Variants in EID1 observed in about 807,000 individuals in gnomAD.
The protein encoded by EID1 is EP300-interacting inhibitor of differentiation 1.
A neutral mutation model predicts 13.7 loss-of-function variants in EID1; 3 were observed. The observed-to-expected ratio is 0.22, with a 90% CI of 0.10 to 0.57. The LOEUF (loss-of-function observed/expected upper bound fraction) is 0.57. Among genes scored for constraint, EID1 ranks in the 20% least tolerant of loss-of-function variants. The pLI, the probability that EID1 is intolerant of heterozygous loss-of-function variation, is 0.92. For missense variants in EID1, 261 were observed against 247.6 expected (o/e 1.05, Z -0.36); for synonymous variants, 105 against 97.6 (o/e 1.08, Z -0.44).
In EID1 at chr15:48,878,958, C is replaced by A. The variant is rs969949788; in HGVS notation, c.*218C>A. The A allele has an allele frequency of 3.4e-5, 16 of 473,890 alleles. No individual in the cohort carries two copies. The highest frequency in any genetic ancestry group is 3.9e-6 in the Non-Finnish European group (1 of 259,122). The allele number at this position is 473,890 out of a possible 1,614,324, so 29.4% of individuals were successfully genotyped here. Reference sequence around the variant, plus strand: ...AAAAAGATTTTAAGACCGTTGAAATCAATTATCAAGAACGTCCTAAAACAC... The same window carrying A: ...AAAAAGATTTTAAGACCGTTGAAATAAATTATCAAGAACGTCCTAAAACAC... On this transcript the variant is annotated 3_prime_UTR_variant, in exon 1 of 1. Coordinates refer to ENST00000530028, the MANE Select transcript of EID1 (RefSeq NM_014335.3).
Position 48,878,215 on chromosome 15 carries a change from G to C in EID1, c.39G>C (p.Glu13Asp), listed in dbSNP as rs1045554707. 4 of 1,598,072 alleles carry C rather than the reference G, an allele frequency of 2.5e-6. No individual in the cohort carries two copies. Among genetic ancestry groups the C allele is most frequent in the African/African-American group, 1.3e-5 (1 of 74,768 alleles). The change falls in exon 1 of 1, where the codon GAG becomes GAC. Residue 13 changes from glutamate (E) to aspartate (D), a missense_variant. Around this residue, in one of 2 missense-constraint regions of EID1, gnomAD observed 244 missense variants for 210.8 expected, o/e 1.16. Transcript: ENST00000530028. The part of the protein sequence containing the change: ...EMAELSELYE[E>D]SSDLQMDVMP... ...CTGAGTTGTCCGAGCTGTATGAAGA[G>C]AGCAGTGACCTGCAGATGGATGTGA...
At position 48,878,205 on chromosome 15, in the gene EID1, T is replaced by A. The variant is rs748317757; in HGVS notation, c.29T>A (p.Leu10Gln). MSEMAELSE[L>Q]YEESSDLQMD... is the part of the protein sequence containing the mutation. ...TCGGAAATGGCTGAGTTGTCCGAGCTGTATGAAGAGAGCAGTGACCTGCAG... is the reference window on the plus strand; with the variant it reads ...TCGGAAATGGCTGAGTTGTCCGAGCAGTATGAAGAGAGCAGTGACCTGCAG... Residue 10 changes from leucine (L) to glutamine (Q), a missense_variant, in exon 1 of 1, where the codon CTG becomes CAG. Physicochemically the swap from Leu to Gln is moderately radical, Grantham distance 113. Coordinates refer to ENST00000530028, the MANE Select transcript of EID1 (RefSeq NM_014335.3). 14 of 1,576,768 alleles carry A rather than the reference T, an allele frequency of 8.9e-6. No homozygotes were observed. Among genetic ancestry groups the A allele is most frequent in the Non-Finnish European group, 1.2e-5 (14 of 1,157,966 alleles).
chr15:48,880,169 T>C lies in EID1; in HGVS notation c.*1429T>C, dbSNP rs987406356. On this transcript the variant is annotated 3_prime_UTR_variant, in exon 1 of 1. Coordinates refer to ENST00000530028, the MANE Select transcript of EID1 (RefSeq NM_014335.3). ...ATAGCAGTAAAGAACGAATATCCAA[T>C]GCAACAGGACAATTCAGAGCCTTAT... 6 of 167,064 alleles carry C rather than the reference T, an allele frequency of 3.6e-5. No homozygotes were observed. Among genetic ancestry groups the C allele is most frequent in the African/African-American group, 1.4e-4 (6 of 41,460 alleles). The allele number at this position is 167,064 out of a possible 1,614,324, so 10.3% of individuals were successfully genotyped here. A position where few individuals can be genotyped will look rare whatever the true frequency, so the allele number is the denominator to read the frequency against.
At position 48,878,373 on chromosome 15, in the gene EID1, T is replaced by G; in HGVS notation, c.197T>G (p.Met66Arg). 2 of 1,612,980 alleles carry G rather than the reference T, an allele frequency of 1.2e-6. No homozygotes were observed. The highest frequency in any genetic ancestry group is 1.1e-5 in the South Asian group (1 of 91,024). Residue 66 changes from methionine to arginine, a missense_variant, in exon 1 of 1, where the codon ATG becomes AGG. By Grantham distance (91) the Met-to-Arg change is moderately conservative. This residue lies in a region of EID1 where 244 missense variants were observed against 210.8 expected (regional missense o/e 1.16). Coordinates refer to ENST00000530028, the MANE Select transcript of EID1 (RefSeq NM_014335.3). ...GPMEEEEAQPMAAPEGKRSLA... is the reference protein window; with the variant it reads ...GPMEEEEAQPRAAPEGKRSLA... ...ATGGAGGAGGAGGAGGCCCAGCCAA[T>G]GGCGGCGCCAGAGGGGAAACGGAGC... is the stretch of plus-strand genomic sequence containing the variant.
Position 48,878,449 on chromosome 15 carries a change from A to G in EID1, c.273A>G (p.Ala91=), listed in dbSNP as rs1484844889. 6.2e-7 allele frequency: 1 copy of G among 1,613,306 alleles called. No homozygotes were observed. Among genetic ancestry groups the G allele is most frequent in the East Asian group, 2.2e-5 (1 of 44,864 alleles). ...AGEQPGQVAG[A]DFESEDEGEE... is the part of the protein sequence containing the mutation. ...AGCAGCCAGGCCAGGTGGCGGGCGCAGACTTCGAGAGCGAGGACGAGGGCG... is the reference window on the plus strand; with the variant it reads ...AGCAGCCAGGCCAGGTGGCGGGCGCGGACTTCGAGAGCGAGGACGAGGGCG... Residue 91 remains alanine, a synonymous_variant, in exon 1 of 1, where the codon GCA becomes GCG. Coordinates refer to ENST00000530028, the MANE Select transcript of EID1 (RefSeq NM_014335.3).
chr15:48,878,446 C>T lies in EID1; in HGVS notation c.270C>T (p.Gly90=), dbSNP rs1268852780. The T allele has an allele frequency of 5.0e-6, 8 of 1,612,858 alleles. No homozygotes were observed. The highest frequency in any genetic ancestry group is 6.8e-6 in the Non-Finnish European group (8 of 1,179,450). ...GGGAGCAGCCAGGCCAGGTGGCGGG[C>T]GCAGACTTCGAGAGCGAGGACGAGG... is the stretch of plus-strand genomic sequence containing the variant. ...NAGEQPGQVA[G]ADFESEDEGE... is the part of the protein sequence containing the mutation. Residue 90 remains glycine, a synonymous_variant, in exon 1 of 1, where the codon GGC becomes GGT. Transcript: ENST00000530028.
rs1899898330 is a variant in EID1, at chr15:48,879,540, ATTTTG to A, written c.*806_*810del. ...GCTTATGCTGTTATATACTAGAGAAATTTTGTTTTGCTTGCTGTTTTAACTTGACA... is the reference window on the plus strand; with the variant it reads ...GCTTATGCTGTTATATACTAGAGAAATTTTGCTTGCTGTTTTAACTTGACA... On this transcript the variant is annotated 3_prime_UTR_variant, in exon 1 of 1. Transcript: ENST00000530028. 1 of 167,092 alleles carries A rather than the reference ATTTTG, an allele frequency of 6.0e-6. No homozygotes were observed. The highest frequency in any genetic ancestry group is 6.5e-5 in the Admixed American group (1 of 15,290). The allele number at this position is 167,092 out of a possible 1,614,324, so 10.4% of individuals were successfully genotyped here.
Position 48,878,819 on chromosome 15 carries a change from G to A in EID1, c.*79G>A. 1 of 1,388,594 alleles carries A rather than the reference G, an allele frequency of 7.2e-7. No individual in the cohort carries two copies. Among genetic ancestry groups the A allele is most frequent in the South Asian group, 1.4e-5 (1 of 68,976 alleles). The allele number at this position is 1,388,594 out of a possible 1,614,324, so 86.0% of individuals were successfully genotyped here. A position where few individuals can be genotyped will look rare whatever the true frequency, so the allele number is the denominator to read the frequency against. On this transcript the variant is annotated 3_prime_UTR_variant, in exon 1 of 1. Transcript: ENST00000530028. ...CTATCTTTTGGGTTCATTCCAAATA[G>A]TTTTGTGCCATTGAAAAACTTGACC...
At position 48,878,323 on chromosome 15, in the gene EID1, C is replaced by T; in HGVS notation, c.147C>T (p.Ala49=). The change falls in exon 1 of 1, where the codon GCC becomes GCT. Residue 49 remains alanine (A), a synonymous_variant. Transcript: ENST00000530028. ...ELSLRPSRSG[A]QQLEEEGPME... ...CCCTGCGTCCCTCCCGCAGCGGGGC[C>T]CAACAGCTCGAGGAGGAAGGCCCAA... 6.2e-7 allele frequency: 1 copy of T among 1,613,628 alleles called. No individual in the cohort carries two copies. The highest frequency in any genetic ancestry group is 2.2e-5 in the East Asian group (1 of 44,870).
rs1486800664 is a variant in EID1, at chr15:48,878,186, A to G, written c.10A>G (p.Met4Val). Residue 4 changes from methionine (M) to valine (V), a missense_variant, in exon 1 of 1, where the codon ATG (methionine) becomes GTG (valine). Physicochemically the swap from Met to Val is conservative, Grantham distance 21 (BLOSUM62 1). Transcript: ENST00000530028. MSE[M>V]AELSELYEES... ...TTGAGCGGTTTGCACAATGTCGGAA[A>G]TGGCTGAGTTGTCCGAGCTGTATGA... The G allele has an allele frequency of 1.9e-6, 3 of 1,555,208 alleles. No individual in the cohort carries two copies. The highest frequency in any genetic ancestry group is 2.6e-6 in the Non-Finnish European group (3 of 1,147,014).
At position 48,878,995 on chromosome 15, in the gene EID1, A is replaced by C. The variant is rs1467546504; in HGVS notation, c.*255A>C. The C allele has an allele frequency of 7.8e-6, 3 of 383,634 alleles. No individual in the cohort carries two copies. Among genetic ancestry groups the C allele is most frequent in the Non-Finnish European group, 1.5e-5 (3 of 203,852 alleles). 23.8% of individuals were successfully genotyped at this position (383,634 alleles called of 1,614,324 possible). On this transcript the variant is annotated 3_prime_UTR_variant, in exon 1 of 1. Transcript: ENST00000530028. ...ACGTCCTAAAACACCTATGGCTTTG[A>C]CTTTGTTATTGATCCAGATTATTTT...
At position 48,879,275 on chromosome 15, in the gene EID1, T is replaced by C. The variant is rs1825315511; in HGVS notation, c.*535T>C. 1 of 168,200 alleles carries C rather than the reference T, an allele frequency of 5.9e-6. No homozygotes were observed. The highest frequency in any genetic ancestry group is 1.5e-5 in the Non-Finnish European group (1 of 68,824). The allele number at this position is 168,200 out of a possible 1,614,324, so 10.4% of individuals were successfully genotyped here. A position where few individuals can be genotyped will look rare whatever the true frequency, so the allele number is the denominator to read the frequency against. ...GGCTACATTTTCAGTGTAAGATAAA[T>C]GGATGAGTAAACTCAAATATGTATC... On this transcript the variant is annotated 3_prime_UTR_variant, in exon 1 of 1. Coordinates refer to ENST00000530028, the MANE Select transcript of EID1 (RefSeq NM_014335.3).
rs1043996957 is a variant in EID1, at chr15:48,878,755, A to C, written c.*15A>C. 2.5e-6 allele frequency: 4 copies of C among 1,596,328 alleles called. No homozygotes were observed. The African/African-American group carries it at 5.4e-5, about 21-fold the overall frequency. ...ATAGAGAGTAGTTAGATGCTGTTAA[A>C]AGAGGAGGAAACTACTTGAGGAGGG... is the stretch of plus-strand genomic sequence containing the variant. On this transcript the variant is annotated 3_prime_UTR_variant, in exon 1 of 1. Transcript: ENST00000530028.
Position 48,879,676 on chromosome 15 carries a change from C to T in EID1, c.*936C>T, listed in dbSNP as rs1179300519. 3 of 167,088 alleles carry T rather than the reference C, an allele frequency of 1.8e-5. No individual in the cohort carries two copies. The highest frequency in any genetic ancestry group is 1.3e-4 in the Admixed American group (2 of 15,290). The allele number at this position is 167,088 out of a possible 1,614,324, so 10.4% of individuals were successfully genotyped here. A position where few individuals can be genotyped will look rare whatever the true frequency, so the allele number is the denominator to read the frequency against. On this transcript the variant is annotated 3_prime_UTR_variant, in exon 1 of 1. Coordinates refer to ENST00000530028, the MANE Select transcript of EID1 (RefSeq NM_014335.3). The stretch of plus-strand genomic sequence containing the variant: ...ACTTTATGAACAGTTATTCTATCAA[C>T]TTTTAAAGGTTTTAAACCTGCCCAG...
At position 48,878,450 on chromosome 15, in the gene EID1, G is replaced by C; in HGVS notation, c.274G>C (p.Asp92His). 1.9e-6 allele frequency: 3 copies of C among 1,613,396 alleles called. No homozygotes were observed. The highest frequency in any genetic ancestry group is 2.5e-6 in the Non-Finnish European group (3 of 1,179,608). Reference sequence around the variant, plus strand: ...GCAGCCAGGCCAGGTGGCGGGCGCAGACTTCGAGAGCGAGGACGAGGGCGA... The same window carrying C: ...GCAGCCAGGCCAGGTGGCGGGCGCACACTTCGAGAGCGAGGACGAGGGCGA... ...GEQPGQVAGA[D>H]FESEDEGEEF... The change falls in exon 1 of 1, where the codon GAC becomes CAC. Residue 92 changes from aspartate to histidine, a missense_variant. By Grantham distance (81) the Asp-to-His change is moderately conservative. Around this residue, in one of 2 missense-constraint regions of EID1, gnomAD observed 244 missense variants for 210.8 expected, o/e 1.16. Coordinates refer to ENST00000530028, the MANE Select transcript of EID1 (RefSeq NM_014335.3).
Position 48,878,210 on chromosome 15 carries a change from G to A in EID1, c.34G>A (p.Glu12Lys). 1.3e-6 allele frequency: 2 copies of A among 1,591,728 alleles called. No homozygotes were observed. The highest frequency in any genetic ancestry group is 8.6e-7 in the Non-Finnish European group (1 of 1,167,172). The change falls in exon 1 of 1, where the codon GAA becomes AAA. Residue 12 changes from glutamate (E) to lysine (K), a missense_variant. Coordinates refer to ENST00000530028, the MANE Select transcript of EID1 (RefSeq NM_014335.3). ...AATGGCTGAGTTGTCCGAGCTGTAT[G>A]AAGAGAGCAGTGACCTGCAGATGGA... ...SEMAELSELYEESSDLQMDVM... is the reference protein window; with the variant it reads ...SEMAELSELYKESSDLQMDVM...
Position 48,878,819 on chromosome 15 carries a change from GT to G in EID1, c.*83del, listed in dbSNP as rs1441954081. 164 of 1,388,594 alleles carry G rather than the reference GT, an allele frequency of 1.2e-4. No individual in the cohort carries two copies. Among genetic ancestry groups the G allele is most frequent in the Non-Finnish European group, 1.4e-4 (147 of 1,031,206 alleles). 86.0% of individuals were successfully genotyped at this position (1,388,594 alleles called of 1,614,324 possible). Reference sequence around the variant, plus strand: ...CTATCTTTTGGGTTCATTCCAAATAGTTTTGTGCCATTGAAAAACTTGACCT... The same window carrying G: ...CTATCTTTTGGGTTCATTCCAAATAGTTTGTGCCATTGAAAAACTTGACCT... On this transcript the variant is annotated 3_prime_UTR_variant, in exon 1 of 1. Coordinates refer to ENST00000530028, the MANE Select transcript of EID1 (RefSeq NM_014335.3).
At position 48,878,147 on chromosome 15, in the gene EID1, C is replaced by G. The variant is rs768852656; in HGVS notation, c.-30C>G. 16 of 1,519,292 alleles carry G rather than the reference C, an allele frequency of 1.1e-5. No homozygotes were observed. In the Admixed American group the frequency reaches 1.8e-4, roughly 17 times the overall value. The allele number at this position is 1,519,292 out of a possible 1,614,324, so 94.1% of individuals were successfully genotyped here. A position where few individuals can be genotyped will look rare whatever the true frequency, so the allele number is the denominator to read the frequency against. On this transcript the variant is annotated 5_prime_UTR_variant, in exon 1 of 1. Coordinates refer to ENST00000530028, the MANE Select transcript of EID1 (RefSeq NM_014335.3). Reference sequence around the variant, plus strand: ...CGCGCAGCATCTGTCTTGCTGGAAGCTTTTTCCTAGAGGTTGAGCGGTTTG... The same window carrying G: ...CGCGCAGCATCTGTCTTGCTGGAAGGTTTTTCCTAGAGGTTGAGCGGTTTG...
Position 48,878,349 on chromosome 15 carries a change from T to A in EID1, c.173T>A (p.Met58Lys). The change falls in exon 1 of 1, where the codon ATG becomes AAG. Residue 58 changes from methionine to lysine, a missense_variant. By Grantham distance (95) the Met-to-Lys change is moderately conservative. This residue lies in a region of EID1 where 244 missense variants were observed against 210.8 expected (regional missense o/e 1.16). Transcript: ENST00000530028. Reference protein sequence around the residue: ...GAQQLEEEGPMEEEEAQPMAA... With the variant: ...GAQQLEEEGPKEEEEAQPMAA... ...CAACAGCTCGAGGAGGAAGGCCCAA[T>A]GGAGGAGGAGGAGGCCCAGCCAATG... The A allele has an allele frequency of 6.2e-7, 1 of 1,613,286 alleles. No individual in the cohort carries two copies. The highest frequency in any genetic ancestry group is 8.5e-7 in the Non-Finnish European group (1 of 1,179,594).
Sources: allele counts gnomAD v4.1 joint callset, GRCh38; gene constraint gnomAD v4.1.1; regional missense constraint gnomAD v4.1.1; transcripts MANE v1.5; gene names NCBI Gene and HGNC (gene_info 2026-07-23, HGNC 2026-07-21).